Variants in PCLO observed in about 807,000 individuals in gnomAD.
PCLO encodes protein piccolo.
In PCLO, 82 loss-of-function variants were observed where a neutral mutation model predicts 427.5. That is an observed-to-expected ratio of 0.19 (90% CI 0.16 to 0.23). The LOEUF (loss-of-function observed/expected upper bound fraction) is 0.23, where lower values mean the gene tolerates loss of function less well. Among genes scored for constraint, PCLO ranks in the 10% least tolerant of loss-of-function variants. PCLO has a pLI of 1.00. For missense variants in PCLO, 6,239 were observed against 6,115.9 expected, an observed-to-expected ratio of 1.02 and a Z score of -0.67; for synonymous variants, 2,357 against 2,155.4, an observed-to-expected ratio of 1.09 and a Z score of -2.59.
At chr7:82,887,064 G>T (rs537069254) in intron 9 of PCLO, among the ~76,000 whole-genome samples, 1 of 152,236 alleles carries the variant, frequency 6.6e-6, no homozygotes, top group Non-Finnish European at 1.5e-5. Context: ...AGTAACACTT[G>T]CAAAGTTTCT....
chr7:83,134,452 C>G lies in PCLO; in HGVS notation c.3098G>C (p.Ser1033Thr), dbSNP rs780620459. 2 of 1,613,822 alleles carry G rather than the reference C, an allele frequency of 1.2e-6. No individual in the cohort carries two copies. Among genetic ancestry groups the G allele is most frequent in the Non-Finnish European group, 1.7e-6 (2 of 1,179,792 alleles). ...TTGAGGCTCAGCTGTTAAAGATTTG[C>G]TATCCTTAATAGGTGGTGGCTTTTT... ...TEKKPPPIKD[S>T]KSLTAEPQKA... Residue 1033 changes from serine to threonine, a missense_variant, in exon 3 of 25, where the codon AGC becomes ACC. Ser to Thr is a moderately conservative substitution (Grantham distance 58, BLOSUM62 1). This residue lies in a region of PCLO where 4,677 missense variants were observed against 4,468.4 expected (regional missense o/e 1.05). Coordinates refer to ENST00000333891, the MANE Select transcript of PCLO (RefSeq NM_033026.6).
chr7:83,131,842 GATTT>G (rs1322355287), intron 3 of PCLO, among the ~76,000 whole-genome samples: 3 of 151,924 alleles, frequency 2.0e-5, no homozygotes, highest in Non-Finnish European at 4.4e-5. Flanking sequence ...AATGAAGAAA[GATTT>G]ATTAGTAGGA....
At position 83,079,076 on chromosome 7, in the gene PCLO, T is replaced by A. The variant is rs539576668; in HGVS notation, c.3300+55174A>T. Among the ~76,000 whole-genome samples, 10 of 152,186 alleles carry A rather than the reference T, an allele frequency of 6.6e-5. No homozygotes were observed. The East Asian group carries it at 1.9e-3, about 29-fold the overall frequency. On this transcript the variant is annotated intron_variant, in intron 3 of 24. Transcript: ENST00000333891. The stretch of plus-strand genomic sequence containing the variant: ...TTTATAATAAATAACATTCCAAACA[T>A]CATTATTTTGCACTACCATTTGACA...
At chr7:82,789,770 C>T (rs1791063268) in intron 22 of PCLO, among the ~76,000 whole-genome samples, 1 of 152,200 alleles carries the variant, frequency 6.6e-6, no homozygotes, top group South Asian at 2.1e-4. Context: ...TTTAACTCAT[C>T]TTTAAAGTAC....
chr7:82,897,802 T>C (rs2116164927), intron 9 of PCLO, among the ~76,000 whole-genome samples: 1 of 151,496 alleles, frequency 6.6e-6, no homozygotes, highest in East Asian at 1.9e-4. Context: ...AAAAGTATAT[T>C]TCCTTTTCGA....
chr7:83,045,859 C>T (rs946628602), intron 3 of PCLO, among the ~76,000 whole-genome samples: 4 of 152,030 alleles, frequency 2.6e-5, no homozygotes, highest in Admixed American at 6.6e-5. Context: ...AATGTTACAA[C>T]ACTTAGATTC....
chr7:83,059,377 TATAA>T (rs369229533), intron 3 of PCLO, among the ~76,000 whole-genome samples: 4,554 of 120,476 alleles, frequency 0.038, 179 homozygotes, highest in African/African-American at 0.12. Flanking sequence ...TATATATATA[TATAA>T]AAATGAAAAA....
chr7:82,781,716 G>A lies in PCLO; in HGVS notation c.15007+19802C>T, dbSNP rs138113309. Among the ~76,000 whole-genome samples the A allele has an allele frequency of 5.8e-4, 89 of 152,280 alleles. No homozygotes were observed. The East Asian group carries it at 0.016, about 28-fold the overall frequency. On this transcript the variant is annotated intron_variant, in intron 22 of 24. Transcript: ENST00000333891. ...CCCTCCTTTCAGCTGCCCCAAGGCAGAACTCTAATCTTCTCCCACCTTTCT... is the reference window on the plus strand; with the variant it reads ...CCCTCCTTTCAGCTGCCCCAAGGCAAAACTCTAATCTTCTCCCACCTTTCT...
At chr7:83,013,867 T>C (rs1192984710) in intron 3 of PCLO, among the ~76,000 whole-genome samples, 9 of 152,188 alleles carry the variant, frequency 5.9e-5, no homozygotes, top group Admixed American at 3.9e-4. Flanking sequence ...CAGATATTCA[T>C]ATTATGTGAA....
intron 3 of PCLO, among the ~76,000 whole-genome samples, chr7:83,124,989 C>T (rs888345138): frequency 6.6e-6 from 1 of 152,162 alleles, no homozygotes; most frequent in Non-Finnish European, 1.5e-5. Context: ...CTCCTGACCT[C>T]GAGTGATCTG....
intron 3 of PCLO, among the ~76,000 whole-genome samples, chr7:83,019,844 G>A (rs867867088): frequency 4.6e-5 from 7 of 151,922 alleles, no homozygotes; most frequent in South Asian, 2.1e-4. Context: ...CTGAAGCAGC[G>A]GCAAAGGAAA....
intron 4 of PCLO, among the ~76,000 whole-genome samples, chr7:82,963,757 T>C (rs1272333432): frequency 6.6e-6 from 1 of 152,112 alleles, no homozygotes; most frequent in Non-Finnish European, 1.5e-5. Context: ...ATAAATATAA[T>C]AACAATGGTA....
At chr7:83,124,353 CAAAA>C (rs1000734708) in intron 3 of PCLO, among the ~76,000 whole-genome samples, 3 of 57,524 alleles carry the variant, frequency 5.2e-5, no homozygotes, top group Non-Finnish European at 3.7e-5. Flanking sequence ...GACTCCGTCT[CAAAA>C]AAAAAAAAAA....
At chr7:82,765,398 T>A (rs1404752915) in intron 22 of PCLO, among the ~76,000 whole-genome samples, 2 of 150,824 alleles carry the variant, frequency 1.3e-5, no homozygotes, top group Admixed American at 6.6e-5. Context: ...AATAAAGATG[T>A]CCACTAAAAT....
chr7:83,129,939 T>A (rs937652003), intron 3 of PCLO, among the ~76,000 whole-genome samples: 5 of 152,168 alleles, frequency 3.3e-5, no homozygotes, highest in African/African-American at 1.2e-4. Flanking sequence ...ATTGAATATT[T>A]TAACTAAATA....
chr7:82,852,622 T>G (rs992732154), intron 10 of PCLO, among the ~76,000 whole-genome samples: 1 of 152,148 alleles, frequency 6.6e-6, no homozygotes, highest in Non-Finnish European at 1.5e-5. Context: ...GCTGATCCAC[T>G]ACTGGTTTCC....
intron 3 of PCLO, among the ~76,000 whole-genome samples, chr7:83,046,784 T>C (rs1789113417): frequency 6.6e-6 from 1 of 151,898 alleles, no homozygotes; most frequent in African/African-American, 2.4e-5. Flanking sequence ...GTCTGAAAAA[T>C]CAATTTTTTT....
rs1790663031 is a variant in PCLO at position 82,772,284 on chromosome 7, A to C, written c.15008-10791T>G. On this transcript the variant is annotated intron_variant, in intron 22 of 24. Transcript: ENST00000333891. ...ACTAAGCTGAGGCCATTGATGAGAGATATTTCGGATATTTTTTTTCAAATC... is the reference window on the plus strand; with the variant it reads ...ACTAAGCTGAGGCCATTGATGAGAGCTATTTCGGATATTTTTTTTCAAATC... 3.9e-5 allele frequency among the ~76,000 whole-genome samples: 6 copies of C among 152,094 alleles called. No individual in the cohort carries two copies. In the South Asian group the frequency reaches 1.2e-3, roughly 32 times the overall value.
chr7:83,028,311 C>T (rs1487527330), intron 3 of PCLO, among the ~76,000 whole-genome samples: 2 of 149,008 alleles, frequency 1.3e-5, no homozygotes, highest in African/African-American at 4.9e-5. Context: ...TATACACCAA[C>T]AACAGACAAA....
Sources: allele counts gnomAD v4.1 joint callset (sites outside exome capture counted in the v4.1 genomes callset), GRCh38; gene constraint gnomAD v4.1.1; regional missense constraint gnomAD v4.1.1; transcripts MANE v1.5; gene names NCBI Gene and HGNC (gene_info 2026-07-23, HGNC 2026-07-21).